The following LRRC37A2 variants were observed in gnomAD, a reference collection of about 807,000 sequenced individuals.
The protein encoded by LRRC37A2 is leucine rich repeat containing 37 member A2.
In LRRC37A2, 9 loss-of-function variants were observed where a neutral mutation model predicts 68.8. The observed-to-expected ratio is 0.13, with a 90% CI of 0.08 to 0.23. LRRC37A2 has a LOEUF of 0.23. Among genes scored for constraint, LRRC37A2 ranks in the 10% least tolerant of loss-of-function variants. The pLI is 1.00. For synonymous variants in LRRC37A2, 63 were observed against 367.6 expected, an observed-to-expected ratio of 0.17 and a Z score of 9.48; for missense variants, 168 against 950.4, an observed-to-expected ratio of 0.18 and a Z score of 10.82.
At chr17:47,009,162 T>A in the LRRC37A2 span, among the ~76,000 whole-genome samples, 2 of 152,040 alleles carry the variant, frequency 1.3e-5, no homozygotes, top group Admixed American at 6.6e-5. Context: ...AATTGTATGA[T>A]CTTTGACATT....
the LRRC37A2 span, chr17:46,923,949 G>A: frequency 2.5e-6 from 1 of 398,244 alleles, no homozygotes; most frequent in Admixed American, 4.4e-5. Context: ...TGGAGGGACG[G>A]AATTTTATGA....
chr17:46,835,808 C>T, the LRRC37A2 span, among the ~76,000 whole-genome samples: 3 of 152,192 alleles, frequency 2.0e-5, no homozygotes, highest in African/African-American at 4.8e-5. Flanking sequence ...CCTGCGCCCC[C>T]TCAGCCCCCT....
chr17:46,981,672 G>A, the LRRC37A2 span, among the ~76,000 whole-genome samples: 1 of 152,134 alleles, frequency 6.6e-6, no homozygotes, highest in African/African-American at 2.4e-5. Context: ...AAGCATGTGT[G>A]TATATCCTGG....
the LRRC37A2 span, chr17:46,935,092 C>T: frequency 6.2e-7 from 1 of 1,612,846 alleles, no homozygotes; most frequent in Non-Finnish European, 8.5e-7. Context: ...CCAGAAAGTT[C>T]ACAACGGCAT....
At chr17:47,029,906 T>C in the LRRC37A2 span, among the ~76,000 whole-genome samples, 1 of 151,350 alleles carries the variant, frequency 6.6e-6, no homozygotes, top group Non-Finnish European at 1.5e-5. Context: ...CTACTAAAAA[T>C]ACAAAAATTA....
the LRRC37A2 span, among the ~76,000 whole-genome samples, chr17:46,737,908 ATATTATTATTATTATTATTATTAT>A: frequency 3.4e-5 from 5 of 145,904 alleles, no homozygotes; most frequent in African/African-American, 5.1e-5. Context: ...TAAAATTAGC[ATATTATTATTATTATTATTATTAT>A]TATTATTATT....
the LRRC37A2 span, chr17:46,872,904 ACGGTCCCAAATGAG>A: frequency 1.8e-6 from 2 of 1,141,964 alleles, no homozygotes; most frequent in South Asian, 3.4e-5. Context: ...CTGCCCTAGC[ACGGTCCCAAATGAG>A]AAGAGTCACA....
chr17:46,929,619 T>C, the LRRC37A2 span: 1 of 1,049,612 alleles, frequency 9.5e-7, no homozygotes, highest in Non-Finnish European at 1.5e-6. Context: ...GAGTCCTTTC[T>C]CTGATGACAG....
the LRRC37A2 span, among the ~76,000 whole-genome samples, chr17:46,950,489 C>T: frequency 3.9e-5 from 6 of 152,164 alleles, no homozygotes; most frequent in African/African-American, 1.4e-4. Context: ...ACACTTGTCC[C>T]AGGGAAAGGC....
At chr17:46,537,077 ATTTTTTTTTTTTTTTTTTTTT>A (rs766255014) in intron 6 of LRRC37A2, among the ~76,000 whole-genome samples, 1 of 34,830 alleles carries the variant, frequency 2.9e-5, no homozygotes, top group Non-Finnish European at 4.4e-5. Context: ...ATTGTGGTCA[ATTTTTTTTTTTTTTTTTTTTT>A]TTTTTTTTGC....
the LRRC37A2 span, among the ~76,000 whole-genome samples, chr17:46,739,550 C>G: frequency 6.6e-6 from 1 of 151,618 alleles, no homozygotes; most frequent in Non-Finnish European, 1.5e-5. Context: ...GAAAAAAACA[C>G]AAAAACATAA....
At chr17:46,863,564 G>A in the LRRC37A2 span, among the ~76,000 whole-genome samples, 188 of 152,292 alleles carry the variant, frequency 1.2e-3, 5 homozygotes, top group South Asian at 0.036. Context: ...GGCAAGTAAG[G>A]AGGGCTTCCT....
chr17:47,000,200 G>A, the LRRC37A2 span, among the ~76,000 whole-genome samples: 1 of 149,870 alleles, frequency 6.7e-6, no homozygotes, highest in Non-Finnish European at 1.5e-5. Flanking sequence ...ACACACTGTG[G>A]TGGCTCAATG....
At chr17:46,807,751 C>T in the LRRC37A2 span, among the ~76,000 whole-genome samples, 2 of 152,282 alleles carry the variant, frequency 1.3e-5, no homozygotes, top group East Asian at 3.9e-4. Flanking sequence ...TGACGGAAAA[C>T]ACATCAGATT....
exon 10 of LRRC37A2, chr17:46,548,790 C>A (rs201177598): frequency 6.2e-7 from 1 of 1,611,300 alleles, no homozygotes; most frequent in Non-Finnish European, 8.5e-7. Context: ...TGGAACAGCC[C>A]CACACACAGC....
At chr17:46,413,458 C>T in the LRRC37A2 span, among the ~76,000 whole-genome samples, 2 of 55,774 alleles carry the variant, frequency 3.6e-5, 1 homozygote, top group African/African-American at 8.8e-5. Context: ...CTGTCTTCCT[C>T]TCTGGGTCTC....
the LRRC37A2 span, among the ~76,000 whole-genome samples, chr17:46,738,840 G>A: frequency 2.0e-5 from 3 of 152,232 alleles, no homozygotes; most frequent in East Asian, 1.9e-4. Context: ...AGTGGCTTAC[G>A]CCTATAATCC....
At chr17:46,940,414 G>T in the LRRC37A2 span, 438 of 1,591,182 alleles carry the variant, frequency 2.8e-4, 2 homozygotes, top group African/African-American at 5.0e-3. Flanking sequence ...TTTAGACCTA[G>T]ATCTGTCTAA....
At chr17:46,725,344 T>C in the LRRC37A2 span, among the ~76,000 whole-genome samples, 1 of 152,036 alleles carries the variant, frequency 6.6e-6, no homozygotes, top group African/African-American at 2.4e-5. Flanking sequence ...GACGAAAGGA[T>C]AGATGGGGTT....
Sources: allele counts gnomAD v4.1 joint callset (sites outside exome capture counted in the v4.1 genomes callset), GRCh38; gene constraint gnomAD v4.1.1; transcripts MANE v1.5; gene names NCBI Gene and HGNC (gene_info 2026-07-23, HGNC 2026-07-21).